The following LACTB2 variants were observed in gnomAD, a reference collection of about 807,000 sequenced individuals.
The protein encoded by LACTB2 is endoribonuclease LACTB2.
A neutral mutation model predicts 34.8 loss-of-function variants in LACTB2; 32 were observed. That is an observed-to-expected ratio of 0.92 (90% CI 0.69 to 1.24). The LOEUF is 1.24. Ranked by LOEUF, LACTB2 falls within the 50% of genes most tolerant of loss-of-function variation. LACTB2 has a pLI of 0.00. For synonymous variants in LACTB2, 120 were observed against 117.5 expected (o/e 1.02, Z -0.14); for missense variants, 320 against 345.0 (o/e 0.93, Z 0.57).
chr8:70,654,221 A>G (rs960414264), intron 3 of LACTB2, among the ~76,000 whole-genome samples: 2 of 152,284 alleles, frequency 1.3e-5, no homozygotes, highest in Non-Finnish European at 2.9e-5. Context: ...GAATAAATAG[A>G]TAAGAATTTA....
At chr8:70,659,017 ACT>A in intron 2 of LACTB2, among the ~76,000 whole-genome samples, 1 of 151,936 alleles carries the variant, frequency 6.6e-6, no homozygotes, top group African/African-American at 2.4e-5. Flanking sequence ...ACAGTGCGAG[ACT>A]CTGTCTCAAA....
chr8:70,669,126 C>T lies in LACTB2; in HGVS notation c.-6G>A, dbSNP rs923913500. ...CGCTGCAGTACAGCAGCCATTCCCG[C>T]CTCAGCCGCCCGCCGGCGTGTCGCC... On this transcript the variant is annotated 5_prime_UTR_variant, in exon 1 of 7. Transcript: ENST00000276590. 1 of 1,609,022 alleles carries T rather than the reference C, an allele frequency of 6.2e-7. No individual in the cohort carries two copies. Among genetic ancestry groups the T allele is most frequent in the Non-Finnish European group, 8.5e-7 (1 of 1,178,160 alleles).
chr8:70,647,552 C>T (rs1206959478), intron 3 of LACTB2, among the ~76,000 whole-genome samples: 1 of 152,120 alleles, frequency 6.6e-6, no homozygotes, highest in Non-Finnish European at 1.5e-5. Context: ...TGTACCCAGC[C>T]ATGTTTGGGA....
At chr8:70,648,586 A>G (rs1208858415) in intron 3 of LACTB2, among the ~76,000 whole-genome samples, 9 of 152,122 alleles carry the variant, frequency 5.9e-5, no homozygotes, top group Non-Finnish European at 1.5e-5. Context: ...AGAAAAAAAT[A>G]AAGTTAGAGT....
chr8:70,660,360 A>G (rs1214214554), intron 2 of LACTB2: 3 of 313,372 alleles, frequency 9.6e-6, no homozygotes, highest in Middle Eastern at 1.0e-3. Flanking sequence ...CTGACAGATT[A>G]TAAGTTCCTA....
intron 1 of LACTB2, 108 bp from the exon 2 acceptor site, chr8:70,662,005 T>C: frequency 1.0e-6 from 1 of 973,394 alleles, no homozygotes; most frequent in Non-Finnish European, 1.5e-6. Context: ...ATTATTTTAC[T>C]TTTAACATGC....
intron 6 of LACTB2, 150 bp downstream of exon 6, chr8:70,638,398 C>A: frequency 2.6e-6 from 2 of 777,416 alleles, no homozygotes; most frequent in Non-Finnish European, 1.8e-6. Context: ...TGGCCCTGTG[C>A]TACTGACCTT....
intron 3 of LACTB2, among the ~76,000 whole-genome samples, chr8:70,652,925 C>A (rs2079759713): frequency 6.6e-6 from 1 of 151,926 alleles, no homozygotes; most frequent in African/African-American, 2.4e-5. Flanking sequence ...TACTGTGATT[C>A]CCAAATCTTC....
chr8:70,642,422 A>G (rs1244900913), intron 4 of LACTB2, among the ~76,000 whole-genome samples: 1 of 151,954 alleles, frequency 6.6e-6, no homozygotes, highest in Non-Finnish European at 1.5e-5. Context: ...GGTTAATCGC[A>G]AGTTAGAAGA....
chr8:70,648,147 A>G (rs1257667231), intron 3 of LACTB2, among the ~76,000 whole-genome samples: 1 of 152,184 alleles, frequency 6.6e-6, no homozygotes, highest in African/African-American at 2.4e-5. Context: ...GCTCATCCAG[A>G]TTATCCTACA....
At chr8:70,663,974 T>C (rs62531759) in intron 1 of LACTB2, among the ~76,000 whole-genome samples, 11,030 of 152,282 alleles carry the variant, frequency 0.072, 470 homozygotes, top group Non-Finnish European at 0.089. Context: ...GCACTTAGCA[T>C]TGTGCATATT....
At chr8:70,642,945 T>C (rs1353186822) in intron 4 of LACTB2, among the ~76,000 whole-genome samples, 1 of 152,166 alleles carries the variant, frequency 6.6e-6, no homozygotes, top group Non-Finnish European at 1.5e-5. Context: ...TTAAAAAAAC[T>C]AAAGCTCAGA....
intron 3 of LACTB2, among the ~76,000 whole-genome samples, chr8:70,655,102 A>C (rs1818393358): frequency 6.6e-6 from 1 of 151,068 alleles, no homozygotes; most frequent in Non-Finnish European, 1.5e-5. Context: ...CTCATAGCTT[A>C]GGTTCCACAT....
At position 70,669,006 on chromosome 8, in the gene LACTB2, C is replaced by T. The variant is rs747073646; in HGVS notation, c.115G>A (p.Gly39Ser). The T allele has an allele frequency of 1.9e-6, 3 of 1,589,280 alleles. No homozygotes were observed. Among genetic ancestry groups the T allele is most frequent in the Non-Finnish European group, 2.6e-6 (3 of 1,168,340 alleles). The change falls in exon 1 of 7, where the codon GGC (glycine) becomes AGC (serine). Residue 39 changes from glycine to serine, a missense_variant. Physicochemically the swap from Gly to Ser is moderately conservative, Grantham distance 56. Coordinates refer to ENST00000276590, the MANE Select transcript of LACTB2 (RefSeq NM_016027.3). ...TTGGAGAGGGACGTTTACCTGGGGCCGGTCCCCACTAGGTAGGTGTTGGTG... is the reference window on the plus strand; with the variant it reads ...TTGGAGAGGGACGTTTACCTGGGGCTGGTCCCCACTAGGTAGGTGTTGGTG... ...QGTNTYLVGTGPRRILIDTGE... is the reference protein window; with the variant it reads ...QGTNTYLVGTSPRRILIDTGE...
intron 3 of LACTB2, 113 bp from the exon 4 acceptor site, chr8:70,644,356 G>A (rs1818236771): frequency 1.5e-6 from 1 of 670,864 alleles, no homozygotes; most frequent in Non-Finnish European, 2.3e-6. Flanking sequence ...AAACAGATGA[G>A]TTAAAAAGCT....
chr8:70,647,396 G>A (rs1436679861), intron 3 of LACTB2, among the ~76,000 whole-genome samples: 3 of 151,896 alleles, frequency 2.0e-5, no homozygotes, highest in Non-Finnish European at 2.9e-5. Context: ...GGGACTACAG[G>A]TGCCCGCCAC....
intron 2 of LACTB2, chr8:70,660,585 C>T (rs1818469172): frequency 2.2e-6 from 1 of 456,130 alleles, no homozygotes; most frequent in African/African-American, 2.0e-5. Flanking sequence ...CCTTACTGTG[C>T]CCTGAATGTG....
chr8:70,647,151 A>G (rs1818273420), intron 3 of LACTB2, among the ~76,000 whole-genome samples: 1 of 152,180 alleles, frequency 6.6e-6, no homozygotes, highest in African/African-American at 2.4e-5. Context: ...AATATGGTTT[A>G]AATTATATTT....
chr8:70,648,144 C>G (rs1385270566), intron 3 of LACTB2, among the ~76,000 whole-genome samples: 1 of 152,122 alleles, frequency 6.6e-6, no homozygotes, highest in East Asian at 1.9e-4. Flanking sequence ...AGAGCTCATC[C>G]AGATTATCCT....
Sources: allele counts gnomAD v4.1 joint callset (sites outside exome capture counted in the v4.1 genomes callset), GRCh38; gene constraint gnomAD v4.1.1; transcripts MANE v1.5; gene names NCBI Gene and HGNC (gene_info 2026-07-23, HGNC 2026-07-21).